Variants in DENND6A observed in about 807,000 individuals in gnomAD.
DENND6A encodes the protein DENN domain containing 6A.
DENND6A carries 43 observed loss-of-function variants against 95.5 expected under a neutral mutation model. The ratio of observed to expected loss-of-function variants is 0.45; its 90% CI spans 0.35 to 0.58. The LOEUF (loss-of-function observed/expected upper bound fraction) is 0.58, where lower values mean the gene tolerates loss of function less well. DENND6A is among the 20% of genes least tolerant of loss of function. The pLI is 0.00. For missense variants in DENND6A, 574 were observed against 736.0 expected, an observed-to-expected ratio of 0.78 and a Z score of 2.55; for synonymous variants, 257 against 260.4, an observed-to-expected ratio of 0.99 and a Z score of 0.13.
chr3:57,663,496 AT>A, intron 5 of DENND6A, 139 bp downstream of exon 5: 1 of 221,044 alleles, frequency 4.5e-6, no homozygotes, highest in Non-Finnish European at 8.9e-6. Flanking sequence ...AAATATATAT[AT>A]ACACACACAC....
intron 1 of DENND6A, among the ~76,000 whole-genome samples, chr3:57,685,729 C>CTT (rs201013495): frequency 2.0e-5 from 3 of 150,444 alleles, no homozygotes; most frequent in South Asian, 2.1e-4. Flanking sequence ...AGCATTCATT[C>CTT]TTTTTTTTTA....
At position 57,630,924 on chromosome 3, in the gene DENND6A, C is replaced by A; in HGVS notation, c.1407+1G>T. 2 of 1,613,504 alleles carry A rather than the reference C, an allele frequency of 1.2e-6. No homozygotes were observed. Among genetic ancestry groups the A allele is most frequent in the Non-Finnish European group, 1.7e-6 (2 of 1,179,862 alleles). On this transcript the variant is annotated splice_donor_variant, in intron 16 of 19. Transcript: ENST00000311128. LOFTEE classifies it high-confidence loss of function. ...CCAAATAGATTTGAATATATTCATA[C>A]CTTCCATGGGGAAATACTTTTCTGC...
At chr3:57,682,324 T>C (rs191904162) in intron 1 of DENND6A, among the ~76,000 whole-genome samples, 12 of 149,446 alleles carry the variant, frequency 8.0e-5, no homozygotes, top group Non-Finnish European at 1.3e-4. Context: ...TATTCTGTTC[T>C]GTTCTCACTG....
intron 1 of DENND6A, among the ~76,000 whole-genome samples, chr3:57,673,596 C>G (rs1223826329): frequency 6.6e-6 from 1 of 152,068 alleles, no homozygotes; most frequent in African/African-American, 2.4e-5. Context: ...GTTCCCAACA[C>G]AAAGAAATGA....
intron 12 of DENND6A, among the ~76,000 whole-genome samples, chr3:57,641,422 ATTC>A (rs2070933251): frequency 6.8e-6 from 1 of 147,656 alleles, no homozygotes; most frequent in Non-Finnish European, 1.5e-5. Flanking sequence ...TTATATTATT[ATTC>A]TATAATAATA....
chr3:57,685,256 A>G (rs13086139), intron 1 of DENND6A, among the ~76,000 whole-genome samples: 1 of 152,022 alleles, frequency 6.6e-6, no homozygotes, highest in East Asian at 1.9e-4. Flanking sequence ...ATATCTATCA[A>G]CATTCACCAC....
chr3:57,641,550 G>A (rs2070938570), intron 12 of DENND6A, 103 bp downstream of exon 12: 2 of 971,762 alleles, frequency 2.1e-6, no homozygotes, highest in South Asian at 4.3e-5. Flanking sequence ...CAAAGGCCTT[G>A]AAGAAAGCTG....
At chr3:57,651,195 C>T (rs1469890390) in intron 9 of DENND6A, among the ~76,000 whole-genome samples, 3 of 152,170 alleles carry the variant, frequency 2.0e-5, no homozygotes, top group Non-Finnish European at 2.9e-5. Flanking sequence ...AAGCAGTACG[C>T]ATTCAGTATG....
At chr3:57,639,888 T>A (rs973281766) in intron 12 of DENND6A, among the ~76,000 whole-genome samples, 3 of 152,190 alleles carry the variant, frequency 2.0e-5, no homozygotes, top group Non-Finnish European at 4.4e-5. Flanking sequence ...TTTAGATATA[T>A]GTATATACCA....
chr3:57,667,583 C>T lies in DENND6A; in HGVS notation c.320-1348G>A, dbSNP rs2071544284. On this transcript the variant is annotated intron_variant, in intron 3 of 19. Transcript: ENST00000311128. ...TTGACCCTCAGCTTATATAGTCACTCTCTCTGTGATTAGGGTGGTTAAGCT... is the reference window on the plus strand; with the variant it reads ...TTGACCCTCAGCTTATATAGTCACTTTCTCTGTGATTAGGGTGGTTAAGCT... Among the ~76,000 whole-genome samples the T allele has an allele frequency of 2.0e-5, 3 of 152,318 alleles. No homozygotes were observed. In the South Asian group the frequency reaches 6.2e-4, roughly 32 times the overall value.
At chr3:57,634,389 C>T (rs574471076) in intron 14 of DENND6A, among the ~76,000 whole-genome samples, 169 bp downstream of exon 14, 2 of 142,502 alleles carry the variant, frequency 1.4e-5, no homozygotes, top group East Asian at 4.2e-4. Context: ...GCTGAGATCA[C>T]ATCACTGCAC....
chr3:57,690,063 A>G (rs1278896774), intron 1 of DENND6A, among the ~76,000 whole-genome samples: 1 of 131,388 alleles, frequency 7.6e-6, no homozygotes, highest in Non-Finnish European at 1.6e-5. Context: ...AAAAAAAAAA[A>G]GTCAGGTGCG....
chr3:57,647,930 A>G lies in DENND6A; in HGVS notation c.819-1492T>C, dbSNP rs531432499. 2.6e-5 allele frequency among the ~76,000 whole-genome samples: 4 copies of G among 152,206 alleles called. No individual in the cohort carries two copies. In the South Asian group the frequency reaches 8.3e-4, roughly 32 times the overall value. On this transcript the variant is annotated intron_variant, in intron 9 of 19. Coordinates refer to ENST00000311128, the MANE Select transcript of DENND6A (RefSeq NM_152678.3). ...AAGGAGGGTATCCATGCAGAAGGGAAGCCAGGTGTAGAATGTCAGGGCCCA... is the reference window on the plus strand; with the variant it reads ...AAGGAGGGTATCCATGCAGAAGGGAGGCCAGGTGTAGAATGTCAGGGCCCA...
intron 9 of DENND6A, among the ~76,000 whole-genome samples, chr3:57,656,055 G>A (rs569081203): frequency 3.9e-5 from 6 of 152,150 alleles, no homozygotes; most frequent in African/African-American, 1.4e-4. Flanking sequence ...GCCATAACAT[G>A]TACTTTTTAA....
At chr3:57,662,395 G>A (rs993045751) in intron 5 of DENND6A, among the ~76,000 whole-genome samples, 2 of 151,444 alleles carry the variant, frequency 1.3e-5, no homozygotes, top group Non-Finnish European at 1.5e-5. Flanking sequence ...TAGAGATAGC[G>A]TTTTGCCATG....
intron 15 of DENND6A, among the ~76,000 whole-genome samples, chr3:57,632,906 A>G (rs1214882811): frequency 1.3e-5 from 2 of 152,266 alleles, no homozygotes; most frequent in African/African-American, 2.4e-5. Context: ...AGTATCAGAA[A>G]GAAGCTCTAC....
At chr3:57,649,826 C>A (rs2071163866) in intron 9 of DENND6A, among the ~76,000 whole-genome samples, 1 of 140,760 alleles carries the variant, frequency 7.1e-6, no homozygotes, top group Admixed American at 7.4e-5. Flanking sequence ...CCCATGGATA[C>A]CCTCCTGTCT....
chr3:57,686,162 C>T (rs1444863277), intron 1 of DENND6A, among the ~76,000 whole-genome samples: 1 of 152,146 alleles, frequency 6.6e-6, no homozygotes, highest in Non-Finnish European at 1.5e-5. Flanking sequence ...TGTTTAGCCT[C>T]ATTTTCAATA....
At chr3:57,672,597 A>G (rs1410134874) in intron 1 of DENND6A, among the ~76,000 whole-genome samples, 159 bp from the exon 2 acceptor site, 11 of 152,082 alleles carry the variant, frequency 7.2e-5, no homozygotes, top group Admixed American at 5.9e-4. Flanking sequence ...AACCTGGCCA[A>G]CATGCCGAAA....
Sources: allele counts gnomAD v4.1 joint callset (sites outside exome capture counted in the v4.1 genomes callset), GRCh38; gene constraint gnomAD v4.1.1; transcripts MANE v1.5; gene names NCBI Gene and HGNC (gene_info 2026-07-23, HGNC 2026-07-21).